The following MS4A2 variants were observed in gnomAD, a reference collection of about 807,000 sequenced individuals.
The protein encoded by MS4A2 is membrane spanning 4-domains A2, also known as high affinity immunoglobulin epsilon receptor subunit beta.
Under a neutral mutation model 27.9 loss-of-function variants are expected in MS4A2, and 26 were observed. The observed-to-expected ratio is 0.93, with a 90% CI of 0.68 to 1.29. The LOEUF is 1.29. Among genes scored for constraint, MS4A2 ranks in the 50% most tolerant of loss-of-function variants. The pLI, the probability that MS4A2 is intolerant of heterozygous loss-of-function variation, is 0.00. For missense variants in MS4A2, 284 were observed against 284.6 expected, an observed-to-expected ratio of 1.00 and a Z score of 0.01; for synonymous variants, 110 against 98.8, an observed-to-expected ratio of 1.11 and a Z score of -0.67.
intron 1 of MS4A2, among the ~76,000 whole-genome samples, 164 bp downstream of exon 1, chr11:60,088,985 G>A (rs1203093252): frequency 3.3e-5 from 5 of 152,084 alleles, no homozygotes; most frequent in Non-Finnish European, 7.4e-5. Context: ...TTTCCATGTG[G>A]TTCTCTCTCC....
chr11:60,093,110 G>A lies in MS4A2; in HGVS notation c.378+262G>A, dbSNP rs565181710. Among the ~76,000 whole-genome samples the A allele has an allele frequency of 9.2e-5, 14 of 152,186 alleles. No homozygotes were observed. In the East Asian group the frequency reaches 1.7e-3, roughly 19 times the overall value. On this transcript the variant is annotated intron_variant, in intron 4 of 6. Coordinates refer to ENST00000278888, the MANE Select transcript of MS4A2 (RefSeq NM_000139.5). ...CTTCTAAAAAAAGTGTCCTCACACC[G>A]GCATTGTCCTTGTAGGCATATTCAC...
chr11:60,090,556 G>C, intron 3 of MS4A2, 86 bp downstream of exon 3: 1 of 1,218,892 alleles, frequency 8.2e-7, no homozygotes, highest in Non-Finnish European at 1.2e-6. Flanking sequence ...TTTATTCCCA[G>C]TATTAACATG....
intron 5 of MS4A2, 126 bp from the exon 6 acceptor site, chr11:60,093,830 GTGTGTGTA>G: frequency 1.4e-6 from 1 of 730,656 alleles, no homozygotes; most frequent in Non-Finnish European, 2.4e-6. Flanking sequence ...GTGTGTGTGT[GTGTGTGTA>G]TGTGTCACTT....
At position 60,093,955 on chromosome 11, in the gene MS4A2, G is replaced by A; in HGVS notation, c.538-9G>A. ...CTCTTTTTGTTTGTCATTTGTTGCT[G>A]TTCAATAGGAAATTGTAGTGATGAT... is the stretch of plus-strand genomic sequence containing the variant. On this transcript the variant is annotated splice_polypyrimidine_tract_variant and intron_variant, in intron 5 of 6. Transcript: ENST00000278888. 2 of 1,604,912 alleles carry A rather than the reference G, an allele frequency of 1.2e-6. No individual in the cohort carries two copies. Among genetic ancestry groups the A allele is most frequent in the South Asian group, 1.1e-5 (1 of 90,920 alleles).
intron 3 of MS4A2, 127 bp downstream of exon 3, chr11:60,090,597 G>GC: frequency 2.3e-6 from 2 of 855,608 alleles, no homozygotes; most frequent in Non-Finnish European, 3.5e-6. Context: ...TAAATTATAT[G>GC]TGAGCATATA....
chr11:60,088,315 C>T (rs921827988), upstream of MS4A2: 6 of 189,650 alleles, frequency 3.2e-5, no homozygotes, highest in African/African-American at 1.2e-4. Context: ...GGAAGACAAG[C>T]TTTTCAAAGG....
At chr11:60,092,737 G>T in intron 3 of MS4A2, 55 bp from the exon 4 acceptor site, 2 of 1,513,400 alleles carry the variant, frequency 1.3e-6, no homozygotes, top group South Asian at 1.1e-5. Flanking sequence ...GGTTAAAAAG[G>T]ACACATTGAA....
At chr11:60,095,404 T>G (rs1223140669) in intron 6 of MS4A2, among the ~76,000 whole-genome samples, 154 bp from the exon 7 acceptor site, 2 of 152,236 alleles carry the variant, frequency 1.3e-5, no homozygotes, top group African/African-American at 4.8e-5. Flanking sequence ...CTAGTCTGGT[T>G]TGGTTTTCTG....
intron 6 of MS4A2, among the ~76,000 whole-genome samples, chr11:60,094,605 T>G (rs1162308928): frequency 6.6e-6 from 1 of 152,152 alleles, no homozygotes; most frequent in Non-Finnish European, 1.5e-5. Flanking sequence ...ACATACTCTC[T>G]CCATCTGTCC....
At chr11:60,092,080 G>T (rs1328180180) in intron 3 of MS4A2, among the ~76,000 whole-genome samples, 1 of 152,068 alleles carries the variant, frequency 6.6e-6, no homozygotes, top group Non-Finnish European at 1.5e-5. Flanking sequence ...GATGGAAGAC[G>T]CACATACAAA....
At position 60,090,478 on chromosome 11, in the gene MS4A2, T is replaced by C. The variant is rs1855740313; in HGVS notation, c.321+8T>C. 27 of 1,611,906 alleles carry C rather than the reference T, an allele frequency of 1.7e-5. No homozygotes were observed. Among genetic ancestry groups the C allele is most frequent in the Non-Finnish European group, 2.2e-5 (26 of 1,179,496 alleles). ...TTCTGGGGAGCCATATTTGTGAGTA[T>C]ATATCTATAATTGTTTCTGAAATAA... On this transcript the variant is annotated splice_region_variant and intron_variant, in intron 3 of 6. Coordinates refer to ENST00000278888, the MANE Select transcript of MS4A2 (RefSeq NM_000139.5).
In MS4A2 at chr11:60,097,949, T is replaced by C. The variant is rs923092856; in HGVS notation, c.*2293T>C. The C allele has an allele frequency of 6.6e-6, 1 of 152,244 alleles. No individual in the cohort carries two copies. Among genetic ancestry groups the C allele is most frequent in the Admixed American group, 6.5e-5 (1 of 15,286 alleles). 9.4% of individuals were successfully genotyped at this position (152,244 alleles called of 1,614,324 possible). On this transcript the variant is annotated 3_prime_UTR_variant, in exon 7 of 7. Transcript: ENST00000278888. ...CTGCATCTCTACTCTTGATCATCTG[T>C]AGGTATTAATCACATCACTTCCATG...
At position 60,090,368 on chromosome 11, in the gene MS4A2, T is replaced by G. The variant is rs143288732; in HGVS notation, c.219T>G (p.Leu73=). ...AAATTCTGACTGCTATGATATGCCT[T>G]TGTTTTGGAACAGTTGTCTGCTCTG... ...VTQILTAMIC[L]CFGTVVCSVL... is the part of the protein sequence containing the mutation. The change falls in exon 3 of 7, where the codon CTT becomes CTG. Residue 73 remains leucine (L), a synonymous_variant. Coordinates refer to ENST00000278888, the MANE Select transcript of MS4A2 (RefSeq NM_000139.5). 1 of 1,613,324 alleles carries G rather than the reference T, an allele frequency of 6.2e-7. No individual in the cohort carries two copies. The highest frequency in any genetic ancestry group is 8.5e-7 in the Non-Finnish European group (1 of 1,179,910).
upstream of MS4A2, chr11:60,088,331 T>C (rs1306612596): frequency 5.0e-6 from 1 of 199,224 alleles, no homozygotes; most frequent in Non-Finnish European, 1.0e-5. Context: ...AAAGGTGCAA[T>C]TGGATAACTT....
chr11:60,097,099 A>G lies in MS4A2; in HGVS notation c.*1443A>G, dbSNP rs984216594. The stretch of plus-strand genomic sequence containing the variant: ...TGGTGTCATTATAAGAGAAATCATT[A>G]TTAAATGAAGCAAGTTAACACTCTA... On this transcript the variant is annotated 3_prime_UTR_variant, in exon 7 of 7. Transcript: ENST00000278888. The G allele has an allele frequency of 2.6e-5, 4 of 152,160 alleles. No individual in the cohort carries two copies. The highest frequency in any genetic ancestry group is 9.7e-5 in the African/African-American group (4 of 41,434). 9.4% of individuals were successfully genotyped at this position (152,160 alleles called of 1,614,324 possible).
At chr11:60,095,068 C>A (rs544870032) in intron 6 of MS4A2, among the ~76,000 whole-genome samples, 3 of 151,930 alleles carry the variant, frequency 2.0e-5, no homozygotes, top group Non-Finnish European at 4.4e-5. Context: ...TGGAGACCAG[C>A]CTGGCCAACA....
At chr11:60,089,570 G>A in intron 1 of MS4A2, 122 bp from the exon 2 acceptor site, 1 of 1,312,198 alleles carries the variant, frequency 7.6e-7, no homozygotes, top group South Asian at 1.2e-5. Flanking sequence ...TGATTACAAT[G>A]AAGATTTGAA....
At chr11:60,092,064 G>T (rs1242438638) in intron 3 of MS4A2, among the ~76,000 whole-genome samples, 1 of 151,994 alleles carries the variant, frequency 6.6e-6, no homozygotes, top group African/African-American at 2.4e-5. Flanking sequence ...CTTGCCTAAA[G>T]GGGCTGATGG....
At chr11:60,090,221 C>T in intron 2 of MS4A2, 115 bp from the exon 3 acceptor site, 3 of 1,075,620 alleles carry the variant, frequency 2.8e-6, no homozygotes, top group Non-Finnish European at 4.2e-6. Context: ...GATCATTTCT[C>T]AGGACAGTCT....
Sources: allele counts gnomAD v4.1 joint callset (sites outside exome capture counted in the v4.1 genomes callset), GRCh38; gene constraint gnomAD v4.1.1; transcripts MANE v1.5; gene names NCBI Gene and HGNC (gene_info 2026-07-23, HGNC 2026-07-21).